The following NGDN variants were observed in gnomAD, a reference collection of about 807,000 sequenced individuals.
The protein encoded by NGDN is EIF4E-binding protein.
A neutral mutation model predicts 45.2 loss-of-function variants in NGDN; 41 were observed. That is an observed-to-expected ratio of 0.91 (90% CI 0.71 to 1.18). The LOEUF is 1.18. Ranked by LOEUF, NGDN falls within the 50% of genes most tolerant of loss-of-function variation. NGDN has a pLI of 0.00. For synonymous variants in NGDN, 137 were observed against 130.9 expected, an observed-to-expected ratio of 1.05 and a Z score of -0.32; for missense variants, 402 against 399.9, an observed-to-expected ratio of 1.01 and a Z score of -0.05.
At chr14:23,472,793 C>G (rs1455618595) in intron 3 of NGDN, among the ~76,000 whole-genome samples, 1 of 152,164 alleles carries the variant, frequency 6.6e-6, no homozygotes, top group Admixed American at 6.5e-5. Context: ...AGAAAGATAA[C>G]TAAAAACAGC....
chr14:23,470,286 A>C lies in NGDN; in HGVS notation c.72+185A>C. 1.4e-5 allele frequency: 8 copies of C among 572,404 alleles called. No homozygotes were observed. In the South Asian group the frequency reaches 1.8e-4, roughly 13 times the overall value. 35.5% of individuals were successfully genotyped at this position (572,404 alleles called of 1,614,324 possible). ...GATTCTGCACCCAAGGGAATACAAG[A>C]AACTCCAAAAAGAAATTATATGAAT... On this transcript the variant is annotated intron_variant, in intron 2 of 10. Coordinates refer to ENST00000408901, the MANE Select transcript of NGDN (RefSeq NM_001042635.2).
chr14:23,474,085 A>G (rs1893845040), intron 3 of NGDN, among the ~76,000 whole-genome samples: 1 of 151,404 alleles, frequency 6.6e-6, no homozygotes, highest in African/African-American at 2.4e-5. Context: ...TAAGTGACTT[A>G]CTCAATATTT....
At chr14:23,472,118 G>A (rs895538904) in intron 3 of NGDN, among the ~76,000 whole-genome samples, 4 of 149,782 alleles carry the variant, frequency 2.7e-5, no homozygotes, top group South Asian at 2.1e-4. Flanking sequence ...CCAGGAGGTC[G>A]AGGCTGCCAT....
At chr14:23,470,865 T>G in intron 2 of NGDN, 41 bp from the exon 3 acceptor site, 1 of 1,436,628 alleles carries the variant, frequency 7.0e-7, no homozygotes, top group Non-Finnish European at 9.3e-7. Context: ...AGACATAATT[T>G]GATATAATCT....
chr14:23,477,672 A>C (rs1458795613), intron 10 of NGDN, 112 bp downstream of exon 10: 1 of 1,546,792 alleles, frequency 6.5e-7, no homozygotes, highest in East Asian at 2.3e-5. Context: ...TCTCTTCCAT[A>C]CTGGGCAATA....
rs149803962 is a variant in NGDN at position 23,477,548 on chromosome 14, C to T, written c.916C>T (p.Arg306Trp). The change falls in exon 10 of 11, where the codon CGG (arginine) becomes TGG (tryptophan). Residue 306 changes from arginine (R) to tryptophan (W), a missense_variant. Physicochemically the swap from Arg to Trp is moderately radical, Grantham distance 101. Transcript: ENST00000408901. The part of the protein sequence containing the change: ...KKRKKIPQKG[R>W]KKKGFRRRR Reference sequence around the variant, plus strand: ...GCGGAAGAAGATACCTCAGAAAGGTCGGAAGAAAAAAGGTCAGTGAACTGC... The same window carrying T: ...GCGGAAGAAGATACCTCAGAAAGGTTGGAAGAAAAAAGGTCAGTGAACTGC... The T allele has an allele frequency of 2.2e-5, 35 of 1,613,862 alleles. No individual in the cohort carries two copies. The highest frequency in any genetic ancestry group is 3.3e-5 in the Admixed American group (2 of 59,970).
intron 3 of NGDN, among the ~76,000 whole-genome samples, chr14:23,472,365 G>A (rs1442638357): frequency 5.3e-5 from 8 of 151,862 alleles, no homozygotes; most frequent in Non-Finnish European, 7.4e-5. Flanking sequence ...GCATGGTGGC[G>A]TGTGCCTGTC....
intron 3 of NGDN, among the ~76,000 whole-genome samples, chr14:23,472,708 C>T (rs1893810425): frequency 6.6e-6 from 1 of 152,042 alleles, no homozygotes; most frequent in Admixed American, 6.5e-5. Context: ...TGGGTAAATA[C>T]AAGTATGAAA....
Position 23,470,086 on chromosome 14 carries a change from A to G in NGDN, c.57A>G (p.Lys19=). Residue 19 remains lysine, a synonymous_variant, in exon 2 of 11, where the codon AAA becomes AAG. Transcript: ENST00000408901. ...TGCCAAGTGCCGTGACACTTCTGAAAAATCTCCAGGAGCAAGTGAGTAGTG... is the reference window on the plus strand; with the variant it reads ...TGCCAAGTGCCGTGACACTTCTGAAGAATCTCCAGGAGCAAGTGAGTAGTG... ...SDLPSAVTLL[K]NLQEQVMAVT... is the part of the protein sequence containing the mutation. 6.2e-7 allele frequency: 1 copy of G among 1,614,130 alleles called. No homozygotes were observed. The highest frequency in any genetic ancestry group is 1.1e-5 in the South Asian group (1 of 91,086).
chr14:23,471,523 G>A, intron 3 of NGDN: 1 of 152,250 alleles, frequency 6.6e-6, no homozygotes, highest in East Asian at 1.9e-4. Context: ...TATATATTAA[G>A]AAAAAATGTG....
In NGDN at chr14:23,476,409, T is replaced by C; in HGVS notation, c.713+2T>C. ...CCAGAGTCAGGAGGACCAACACAGGTCTGAGCCCTTGCATTAGAAATTATT... is the reference window on the plus strand; with the variant it reads ...CCAGAGTCAGGAGGACCAACACAGGCCTGAGCCCTTGCATTAGAAATTATT... On this transcript the variant is annotated splice_donor_variant, in intron 8 of 10. Transcript: ENST00000408901. LOFTEE classifies it high-confidence loss of function. 1 of 1,605,102 alleles carries C rather than the reference T, an allele frequency of 6.2e-7. No homozygotes were observed. Among genetic ancestry groups the C allele is most frequent in the South Asian group, 1.1e-5 (1 of 90,766 alleles).
chr14:23,474,708 G>A (rs918768651), intron 3 of NGDN, among the ~76,000 whole-genome samples: 4 of 152,134 alleles, frequency 2.6e-5, no homozygotes, highest in Non-Finnish European at 4.4e-5. Flanking sequence ...TTGTATGGGG[G>A]GAAATTGGTA....
In NGDN at chr14:23,469,738, T is replaced by C; in HGVS notation, c.12+11T>C. 1 of 1,614,078 alleles carries C rather than the reference T, an allele frequency of 6.2e-7. No individual in the cohort carries two copies. The highest frequency in any genetic ancestry group is 8.5e-7 in the Non-Finnish European group (1 of 1,179,964). The stretch of plus-strand genomic sequence containing the variant: ...AAGATGGCGGCGCTGGTGAGTTTGG[T>C]GTGGTTTCTTCCTCGCGTAGCTATT... On this transcript the variant is annotated intron_variant, in intron 1 of 10. Coordinates refer to ENST00000408901, the MANE Select transcript of NGDN (RefSeq NM_001042635.2).
At chr14:23,470,410 C>G in intron 2 of NGDN, 1 of 297,800 alleles carries the variant, frequency 3.4e-6, no homozygotes, top group East Asian at 6.8e-5. Flanking sequence ...TATACAGATG[C>G]TTCTCGACTT....
At position 23,477,276 on chromosome 14, in the gene NGDN, G is replaced by A. The variant is rs1595108261; in HGVS notation, c.790G>A (p.Val264Ile). The A allele has an allele frequency of 6.2e-7, 1 of 1,614,196 alleles. No homozygotes were observed. Among genetic ancestry groups the A allele is most frequent in the Middle Eastern group, 1.6e-4 (1 of 6,062 alleles). ...GAAAGGACGGCGAAAACGAGCAAAT[G>A]TCATGAGCTCACAACTTCATTCCCT... ...REKGRRKRAN[V>I]MSSQLHSLTH... is the part of the protein sequence containing the mutation. The change falls in exon 9 of 11, where the codon GTC becomes ATC. Residue 264 changes from valine to isoleucine, a missense_variant. Transcript: ENST00000408901.
intron 6 of NGDN, 97 bp from the exon 7 acceptor site, chr14:23,475,932 T>C (rs376447460): frequency 6.5e-7 from 1 of 1,527,834 alleles, no homozygotes; most frequent in South Asian, 1.2e-5. Context: ...TTTTCCCTTT[T>C]TATATTCCCA....
In NGDN at chr14:23,476,060, C is replaced by T; in HGVS notation, c.452C>T (p.Ala151Val). Residue 151 changes from alanine (A) to valine (V), a missense_variant, in exon 7 of 11, where the codon GCA becomes GTA. Physicochemically the swap from Ala to Val is moderately conservative, Grantham distance 64 (BLOSUM62 0). Transcript: ENST00000408901. ...LSSEDEEEDE[A>V]EDDQSEASGK... Reference sequence around the variant, plus strand: ...TCTGAGGATGAGGAGGAAGATGAAGCAGAAGATGACCAGTCTGAGGCTTCA... The same window carrying T: ...TCTGAGGATGAGGAGGAAGATGAAGTAGAAGATGACCAGTCTGAGGCTTCA... The T allele has an allele frequency of 6.2e-7, 1 of 1,614,076 alleles. No homozygotes were observed. The highest frequency in any genetic ancestry group is 8.5e-7 in the Non-Finnish European group (1 of 1,179,968).
At chr14:23,471,853 A>G (rs562435935) in intron 3 of NGDN, among the ~76,000 whole-genome samples, 1 of 152,028 alleles carries the variant, frequency 6.6e-6, no homozygotes, top group East Asian at 1.9e-4. Flanking sequence ...CCAAGATGCC[A>G]GTGACTGAAA....
chr14:23,471,087 A>G, intron 3 of NGDN, 110 bp downstream of exon 3: 1 of 661,474 alleles, frequency 1.5e-6, no homozygotes, highest in Non-Finnish European at 2.4e-6. Context: ...TTCAAACATA[A>G]ATATGATCCA....
Sources: gnomAD v4.1 joint callset for allele counts (sites outside exome capture counted in the v4.1 genomes callset) on GRCh38, gnomAD v4.1.1 for gene constraint, MANE v1.5 for transcripts, NCBI Gene and HGNC (gene_info 2026-07-23, HGNC 2026-07-21) for gene names.